Variants in BAG4 observed in about 807,000 individuals in gnomAD.
BAG4 encodes BAG family molecular chaperone regulator 4.
A neutral mutation model predicts 52.1 loss-of-function variants in BAG4; 28 were observed. That is an observed-to-expected ratio of 0.54 (90% confidence interval 0.40 to 0.74). The LOEUF is 0.74. Ranked by LOEUF, BAG4 falls within the 30% of genes least tolerant of loss-of-function variation. The probability of loss-of-function intolerance (pLI) is 0.00; values close to 1 mark genes in which losing one functional copy is unlikely to be tolerated. For synonymous variants in BAG4, 208 were observed against 217.0 expected (o/e 0.96, Z 0.37); for missense variants, 525 against 572.0 (o/e 0.92, Z 0.84).
intron 1 of BAG4, among the ~76,000 whole-genome samples, chr8:38,187,837 A>G (rs1468617611): frequency 1.3e-5 from 2 of 148,586 alleles, no homozygotes; most frequent in Non-Finnish European, 1.5e-5. Flanking sequence ...TCTGGCTAAC[A>G]TGGTGAAACC....
chr8:38,209,892 T>G (rs1437871077), intron 4 of BAG4, 116 bp from the exon 5 acceptor site: 1 of 1,387,830 alleles, frequency 7.2e-7, no homozygotes, highest in African/African-American at 1.5e-5. Flanking sequence ...ATTTTATTGT[T>G]AGGGAATCTT....
rs1490647783 is a variant in BAG4 at position 38,213,229 on chromosome 8, A to C, written c.*2736A>C. 2.0e-5 allele frequency: 3 copies of C among 152,010 alleles called. No individual in the cohort carries two copies. The highest frequency in any genetic ancestry group is 7.2e-5 in the African/African-American group (3 of 41,432). 9.4% of individuals were successfully genotyped at this position (152,010 alleles called of 1,614,324 possible). A position where few individuals can be genotyped will look rare whatever the true frequency, so the allele number is the denominator to read the frequency against. On this transcript the variant is annotated 3_prime_UTR_variant, in exon 5 of 5. Coordinates refer to ENST00000287322, the MANE Select transcript of BAG4 (RefSeq NM_004874.4). ...CATCTGGACTTTTTAAAGTGTCTACATTTATATTACTTTGGGGATCATTTT... is the reference window on the plus strand; with the variant it reads ...CATCTGGACTTTTTAAAGTGTCTACCTTTATATTACTTTGGGGATCATTTT...
At chr8:38,183,166 T>C (rs1803302668) in intron 1 of BAG4, among the ~76,000 whole-genome samples, 1 of 149,574 alleles carries the variant, frequency 6.7e-6, no homozygotes, top group Non-Finnish European at 1.5e-5. Flanking sequence ...CACTTCAGCC[T>C]CCTGAGTAGC....
chr8:38,196,913 C>T (rs891391708), intron 2 of BAG4, among the ~76,000 whole-genome samples: 1 of 151,430 alleles, frequency 6.6e-6, no homozygotes, highest in African/African-American at 2.4e-5. Context: ...CCCTTCACTA[C>T]TAAAAATACA....
At chr8:38,188,843 G>A (rs112281404) in intron 1 of BAG4, among the ~76,000 whole-genome samples, 1,589 of 152,010 alleles carry the variant, frequency 0.01, 31 homozygotes, top group African/African-American at 0.036. Context: ...ACCCAGGCTG[G>A]AGTGCAGTGG....
intron 1 of BAG4, among the ~76,000 whole-genome samples, chr8:38,189,600 C>A (rs1803434403): frequency 6.6e-6 from 1 of 152,092 alleles, no homozygotes; most frequent in African/African-American, 2.4e-5. Flanking sequence ...TCTCTAGGCC[C>A]CAGGTTCAGT....
At chr8:38,186,133 T>C (rs1803363180) in intron 1 of BAG4, among the ~76,000 whole-genome samples, 1 of 152,094 alleles carries the variant, frequency 6.6e-6, no homozygotes, top group Non-Finnish European at 1.5e-5. Flanking sequence ...AAATTCTAGG[T>C]AATTGTGGCT....
intron 2 of BAG4, among the ~76,000 whole-genome samples, chr8:38,193,272 A>G (rs1803505823): frequency 6.6e-6 from 1 of 151,876 alleles, no homozygotes; most frequent in Admixed American, 6.6e-5. Context: ...TACAAAAATT[A>G]GCTGGGTGTG....
rs1305435199 is a variant in BAG4, at chr8:38,209,993, C to T, written c.889-15C>T. On this transcript the variant is annotated splice_polypyrimidine_tract_variant and intron_variant, in intron 4 of 4. Transcript: ENST00000287322. ...TAAAACAGCTCTTTTCCTCTTTTTG[C>T]TCTCCCACTCCAAGGATTCTTCATA... The T allele has an allele frequency of 1.2e-6, 2 of 1,600,868 alleles. No individual in the cohort carries two copies. The highest frequency in any genetic ancestry group is 2.2e-5 in the East Asian group (1 of 44,728).
intron 1 of BAG4, among the ~76,000 whole-genome samples, chr8:38,179,455 C>T (rs1454644835): frequency 2.6e-5 from 4 of 151,990 alleles, no homozygotes; most frequent in African/African-American, 7.2e-5. Context: ...CAGTGCCCGG[C>T]CAAGATTAAT....
At chr8:38,204,467 C>T (rs752043682) in intron 2 of BAG4, among the ~76,000 whole-genome samples, 1 of 151,568 alleles carries the variant, frequency 6.6e-6, no homozygotes, top group Non-Finnish European at 1.5e-5. Context: ...TGCAGTGAGC[C>T]GTGATTGTGC....
chr8:38,177,092 T>A lies in BAG4; in HGVS notation c.223T>A (p.Ser75Thr). 1 of 1,612,566 alleles carries A rather than the reference T, an allele frequency of 6.2e-7. No homozygotes were observed. Among genetic ancestry groups the A allele is most frequent in the Non-Finnish European group, 8.5e-7 (1 of 1,179,824 alleles). The change falls in exon 1 of 5, where the codon TCG becomes ACG. Residue 75 changes from serine (S) to threonine (T), a missense_variant. Ser to Thr is a moderately conservative substitution (Grantham distance 58, BLOSUM62 1). Around this residue, in one of 2 missense-constraint regions of BAG4, gnomAD observed 287 missense variants for 266.1 expected, o/e 1.08. Transcript: ENST00000287322. ...EGGGGDGYYP[S>T]GGAWPEPGRA... ...CGGAGGAGGCGATGGCTACTATCCC[T>A]CGGGAGGCGCCTGGCCAGAGCCTGG...
chr8:38,191,133 A>T (rs1803466936), intron 1 of BAG4, among the ~76,000 whole-genome samples: 1 of 152,204 alleles, frequency 6.6e-6, no homozygotes, highest in Non-Finnish European at 1.5e-5. Context: ...ATTAAGGATT[A>T]TAAGGTTTTA....
At chr8:38,196,391 C>T (rs1432118341) in intron 2 of BAG4, among the ~76,000 whole-genome samples, 2 of 152,178 alleles carry the variant, frequency 1.3e-5, no homozygotes, top group Admixed American at 6.6e-5. Flanking sequence ...CGGTGGCTCA[C>T]GCCTGTAATC....
chr8:38,209,236 C>G lies in BAG4; in HGVS notation c.857C>G (p.Ser286Ter). The change falls in exon 4 of 5, where the codon TCA becomes TGA. Residue 286 changes from serine to a stop codon, truncating the protein, a stop_gained. Transcript: ENST00000287322. LOFTEE classifies it high-confidence loss of function. ...TGGCCTAGCAGTGGCTCTCCCCAGT[C>G]ACCCCCTTCACCCCCAGTCCAGCAG... ...SPWPSSGSPQ[S>*]PPSPPVQQPK... The G allele has an allele frequency of 6.2e-7, 1 of 1,614,210 alleles. No individual in the cohort carries two copies. Among genetic ancestry groups the G allele is most frequent in the Non-Finnish European group, 8.5e-7 (1 of 1,180,048 alleles).
In BAG4 at chr8:38,180,522, CAAAAA is replaced by C. The variant is rs1161178024; in HGVS notation, c.270+3405_270+3409del. 5.3e-3 allele frequency among the ~76,000 whole-genome samples: 140 copies of C among 26,488 alleles called. 2 individuals are homozygous for C. The East Asian group carries it at 0.093, about 18-fold the overall frequency. The allele number at this position is 26,488 out of a possible 152,430, so 17.4% of individuals were successfully genotyped here. ...TGGGCAGCAAAGCGAGACTCCGTCT[CAAAAA>C]AAAAAAAAAAAAAAAAAAAAAGATA... On this transcript the variant is annotated intron_variant, in intron 1 of 4. Transcript: ENST00000287322.
In BAG4 at chr8:38,210,621, T is replaced by A; in HGVS notation, c.*128T>A. 1 of 1,257,240 alleles carries A rather than the reference T, an allele frequency of 8.0e-7. No homozygotes were observed. Among genetic ancestry groups the A allele is most frequent in the Non-Finnish European group, 1.1e-6 (1 of 938,778 alleles). 77.9% of individuals were successfully genotyped at this position (1,257,240 alleles called of 1,614,324 possible). A position where few individuals can be genotyped will look rare whatever the true frequency, so the allele number is the denominator to read the frequency against. On this transcript the variant is annotated 3_prime_UTR_variant, in exon 5 of 5. Transcript: ENST00000287322. ...ATACATTCCAGCTTTCCTTTGATTT[T>A]ATACTTGAAAAACTGGCAAAGGAAT...
At chr8:38,181,787 TGCAGCTAG>T (rs1453163323) in intron 1 of BAG4, among the ~76,000 whole-genome samples, 2 of 147,588 alleles carry the variant, frequency 1.4e-5, no homozygotes, top group Non-Finnish European at 3.0e-5. Context: ...CGCCTGTAAT[TGCAGCTAG>T]TCTGAGAATT....
In BAG4 at chr8:38,201,880, A is replaced by ATTTTTT. The variant is rs869085692; in HGVS notation, c.379-5608_379-5603dup. The ATTTTTT allele has an allele frequency of 6.6e-4, 5 of 7,550 alleles. 1 individual carries two copies. Among genetic ancestry groups the ATTTTTT allele is most frequent in the Admixed American group, 3.0e-3 (1 of 328 alleles). 0.5% of individuals were successfully genotyped at this position (7,550 alleles called of 1,614,324 possible). A position where few individuals can be genotyped will look rare whatever the true frequency, so the allele number is the denominator to read the frequency against. ...TATATATATATATATATATATATAT[A>ATTTTTT]TTTTTTTTTTTTTTTTTTTTTTTTT... is the stretch of plus-strand genomic sequence containing the variant. On this transcript the variant is annotated intron_variant, in intron 2 of 4. Transcript: ENST00000287322.
Sources: allele counts gnomAD v4.1 joint callset (sites outside exome capture counted in the v4.1 genomes callset), GRCh38; gene constraint gnomAD v4.1.1; regional missense constraint gnomAD v4.1.1; transcripts MANE v1.5; gene names NCBI Gene and HGNC (gene_info 2026-07-23, HGNC 2026-07-21).